Variants in LARP7 observed in about 807,000 individuals in gnomAD.
LARP7 encodes the protein la-related protein 7.
LARP7 carries 52 observed loss-of-function variants against 69.3 expected under a neutral mutation model. The observed-to-expected ratio is 0.75, with a 90% confidence interval of 0.60 to 0.95. The LOEUF (loss-of-function observed/expected upper bound fraction) is 0.95, where lower values mean the gene tolerates loss of function less well. LARP7 is among the 40% of genes least tolerant of loss of function. The probability of loss-of-function intolerance (pLI) is 0.00; values close to 1 mark genes in which losing one functional copy is unlikely to be tolerated. For synonymous variants in LARP7, 254 were observed against 215.9 expected, an observed-to-expected ratio of 1.18 and a Z score of -1.55; for missense variants, 733 against 673.0, an observed-to-expected ratio of 1.09 and a Z score of -0.99.
At chr4:112,651,299 A>G (rs2048722872) in intron 10 of LARP7, among the ~76,000 whole-genome samples, 1 of 152,176 alleles carries the variant, frequency 6.6e-6, no homozygotes, top group African/African-American at 2.4e-5. Context: ...TAACTTGAAT[A>G]CCATTGAGGT....
intron 8 of LARP7, chr4:112,648,408 G>C (rs749371862): frequency 5.6e-6 from 3 of 534,394 alleles, no homozygotes; most frequent in Admixed American, 3.9e-5. Context: ...CACACAGCAG[G>C]TACCCCCATG....
intron 2 of LARP7, chr4:112,645,686 T>G: frequency 4.5e-6 from 2 of 445,688 alleles, no homozygotes; most frequent in Non-Finnish European, 9.0e-6. Flanking sequence ...GGCCGGCTTT[T>G]TTTTCTGGCA....
intron 12 of LARP7, 77 bp from the exon 13 acceptor site, chr4:112,657,170 T>TTGTGTGTGTATGTGTG (rs2048987981): frequency 2.2e-6 from 1 of 458,032 alleles, no homozygotes; most frequent in African/African-American, 2.2e-5. Flanking sequence ...AGTCATAGTT[T>TTGTGTGTGTATGTGTG]TGTGTGTGTG....
At chr4:112,657,094 C>T (rs2048983426) in intron 12 of LARP7, among the ~76,000 whole-genome samples, 153 bp from the exon 13 acceptor site, 1 of 151,692 alleles carries the variant, frequency 6.6e-6, no homozygotes, top group African/African-American at 2.4e-5. Flanking sequence ...ATAATTATCT[C>T]ATTTGTCATC....
chr4:112,654,208 T>A, intron 12 of LARP7, 49 bp downstream of exon 12: 1 of 1,344,098 alleles, frequency 7.4e-7, no homozygotes, highest in Non-Finnish European at 1.1e-6. Flanking sequence ...CTTGAACGTT[T>A]AATGCCAAAG....
chr4:112,648,052 C>G (rs1214351189), intron 8 of LARP7: 4 of 644,794 alleles, frequency 6.2e-6, no homozygotes, highest in Non-Finnish European at 1.2e-5. Flanking sequence ...ACAGCAAGTG[C>G]CTCCATGTTA....
intron 1 of LARP7, among the ~76,000 whole-genome samples, chr4:112,639,624 C>CA (rs1056156267): frequency 6.6e-6 from 1 of 151,866 alleles, no homozygotes; most frequent in African/African-American, 2.4e-5. Flanking sequence ...CAAGTTTTGA[C>CA]AGAAGCATCA....
At chr4:112,653,860 C>T (rs145115302) in intron 11 of LARP7, among the ~76,000 whole-genome samples, 207 of 152,246 alleles carry the variant, frequency 1.4e-3, no homozygotes, top group African/African-American at 4.7e-3. Flanking sequence ...CCTCCCTCCT[C>T]GCCCTCCCAA....
chr4:112,654,204 C>T (rs757605104), intron 12 of LARP7, 45 bp downstream of exon 12: 29 of 1,345,890 alleles, frequency 2.2e-5, no homozygotes, highest in South Asian at 4.7e-5. Flanking sequence ...TTTCCTTGAA[C>T]GTTTAATGCC....
intron 1 of LARP7, among the ~76,000 whole-genome samples, chr4:112,644,103 A>G (rs1396583279): frequency 6.6e-6 from 1 of 151,870 alleles, no homozygotes; most frequent in African/African-American, 2.4e-5. Context: ...TTAGCCGGGC[A>G]TGATGGCATG....
rs950469680 is a variant in LARP7 at position 112,640,742 on chromosome 4, A to G, written c.-3+3503A>G. Among the ~76,000 whole-genome samples, 4 of 152,236 alleles carry G rather than the reference A, an allele frequency of 2.6e-5. No homozygotes were observed. The South Asian group carries it at 8.3e-4, about 32-fold the overall frequency. ...TAAAGTTATAATTCCAGGTAGTGAC[A>G]ACAAGATACAAGAATAAAAAATAGT... On this transcript the variant is annotated intron_variant, in intron 1 of 12. Transcript: ENST00000344442.
chr4:112,645,663 G>C, intron 2 of LARP7: 6 of 452,274 alleles, frequency 1.3e-5, no homozygotes, highest in Non-Finnish European at 2.7e-5. Flanking sequence ...GAGAACACAG[G>C]CAAGCATCAC....
Position 112,646,955 on chromosome 4 carries a change from G to T in LARP7, c.552G>T (p.Glu184Asp), listed in dbSNP as rs199621386. 1 of 1,595,372 alleles carries T rather than the reference G, an allele frequency of 6.3e-7. No individual in the cohort carries two copies. Among genetic ancestry groups the T allele is most frequent in the Non-Finnish European group, 8.5e-7 (1 of 1,175,294 alleles). ...ETKEQAAKAI[E>D]FLNNPPEEAP... ...AAGAACAAGCAGCAAAAGCAATTGA[G>T]GTAAGTCCAGATCCTAAAAAAAAAA... The change falls in exon 5 of 13, where the codon GAG becomes GAT. Residue 184 changes from glutamate to aspartate, a missense_variant and splice_region_variant. Coordinates refer to ENST00000344442, the MANE Select transcript of LARP7 (RefSeq NM_016648.4).
intron 10 of LARP7, 28 bp from the exon 11 acceptor site, chr4:112,653,048 AT>A: frequency 6.5e-7 from 1 of 1,532,414 alleles, no homozygotes; most frequent in Non-Finnish European, 8.8e-7. Context: ...TTTAAATTTT[AT>A]TTGTCTTTCT....
At chr4:112,648,098 A>G (rs1225355633) in intron 8 of LARP7, 1 of 581,084 alleles carries the variant, frequency 1.7e-6, no homozygotes, top group Non-Finnish European at 3.4e-6. Flanking sequence ...GTAAAAATAC[A>G]AAATAAAGCT....
intron 8 of LARP7, 95 bp downstream of exon 8, chr4:112,647,929 G>A (rs376629554): frequency 8.5e-6 from 8 of 936,028 alleles, no homozygotes; most frequent in African/African-American, 3.3e-5. Context: ...TTGCATATTA[G>A]CAACAGTAAT....
chr4:112,646,773 G>A lies in LARP7; in HGVS notation c.388-18G>A, dbSNP rs1052838872. ...TCTGATTGTGAAAAACTCTAATATT[G>A]CTTTTAATTTATAATAGGAGTTACT... On this transcript the variant is annotated intron_variant, in intron 4 of 12. Coordinates refer to ENST00000344442, the MANE Select transcript of LARP7 (RefSeq NM_016648.4). 5 of 1,567,228 alleles carry A rather than the reference G, an allele frequency of 3.2e-6. No individual in the cohort carries two copies. Among genetic ancestry groups the A allele is most frequent in the Non-Finnish European group, 4.3e-6 (5 of 1,159,224 alleles).
At chr4:112,639,278 C>G (rs982355756) in intron 1 of LARP7, among the ~76,000 whole-genome samples, 48 of 148,874 alleles carry the variant, frequency 3.2e-4, no homozygotes, top group African/African-American at 1.1e-3. Context: ...GGCACGATCT[C>G]GGCTCGCTGC....
rs532585017 is a variant in LARP7 at position 112,650,664 on chromosome 4, A to G, written c.1416+82A>G. On this transcript the variant is annotated intron_variant, in intron 10 of 12. Transcript: ENST00000344442. ...TGTGAAAATGTTTTGAATATGGAAG[A>G]TAAAACAAATCAAGTTAGAATTTGT... 6.0e-4 allele frequency: 833 copies of G among 1,379,496 alleles called. 13 individuals are homozygous for G. The South Asian group carries it at 9.6e-3, about 16-fold the overall frequency. The allele number at this position is 1,379,496 out of a possible 1,614,324, so 85.5% of individuals were successfully genotyped here.
Sources: allele counts gnomAD v4.1 joint callset (sites outside exome capture counted in the v4.1 genomes callset), GRCh38; gene constraint gnomAD v4.1.1; transcripts MANE v1.5; gene names NCBI Gene and HGNC (gene_info 2026-07-23, HGNC 2026-07-21).